MAGI3: variants seen among roughly 807,000 people sequenced by gnomAD.
MAGI3 encodes the protein membrane associated guanylate kinase, WW and PDZ domain containing 3.
A neutral mutation model predicts 121.8 loss-of-function variants in MAGI3; 43 were observed. The observed-to-expected ratio is 0.35, with a 90% CI of 0.28 to 0.46. MAGI3 has a LOEUF of 0.46. Among genes scored for constraint, MAGI3 ranks in the 20% least tolerant of loss-of-function variants. The pLI, the probability that MAGI3 is intolerant of heterozygous loss-of-function variation, is 1.00. For synonymous variants in MAGI3, 553 were observed against 639.3 expected (o/e 0.86, Z 2.04); for missense variants, 1,547 against 1,797.3 (o/e 0.86, Z 2.52).
Position 113,594,554 on chromosome 1 carries a change from G to A in MAGI3, c.1012G>A (p.Asp338Asn), listed in dbSNP as rs771970427. The A allele has an allele frequency of 3.7e-5, 59 of 1,610,614 alleles. No homozygotes were observed. Among genetic ancestry groups the A allele is most frequent in the Non-Finnish European group, 4.8e-5 (57 of 1,178,074 alleles). ...AGCCAAAGCCCCTGAAGACTGTGAA[G>A]ATGGAGGTAGAGATTCAGAAACTTA... ...KKAKAPEDCE[D>N]GELPYGWEKI... Residue 338 changes from aspartate to asparagine, a missense_variant, in exon 6 of 21, where the codon GAT becomes AAT. Transcript: ENST00000307546.
chr1:113,495,528 G>A (rs892015270), intron 1 of MAGI3, among the ~76,000 whole-genome samples: 1 of 151,834 alleles, frequency 6.6e-6, no homozygotes, highest in Non-Finnish European at 1.5e-5. Context: ...CCTTTCCCCC[G>A]AGTCCCCAAA....
chr1:113,417,653 C>T (rs559453253), intron 1 of MAGI3, among the ~76,000 whole-genome samples: 1 of 152,258 alleles, frequency 6.6e-6, no homozygotes, highest in African/African-American at 2.4e-5. Context: ...TCAGTTTCTT[C>T]TCATGATCTC....
intron 6 of MAGI3, among the ~76,000 whole-genome samples, chr1:113,599,992 G>T (rs1035133792): frequency 3.3e-5 from 5 of 152,144 alleles, no homozygotes; most frequent in African/African-American, 1.2e-4. Flanking sequence ...CTCAATAGAT[G>T]CAGAAAAGGC....
chr1:113,677,395 T>TA (rs1391081793), intron 19 of MAGI3, among the ~76,000 whole-genome samples: 8 of 152,328 alleles, frequency 5.3e-5, no homozygotes, highest in African/African-American at 1.7e-4. Context: ...CAAGGAGACT[T>TA]AGTCACTTGC....
intron 5 of MAGI3, among the ~76,000 whole-genome samples, chr1:113,593,839 C>T (rs768331507): frequency 2.0e-5 from 3 of 152,158 alleles, no homozygotes; most frequent in Non-Finnish European, 4.4e-5. Flanking sequence ...TTTTATTCCT[C>T]CCTTTTTTCC....
rs1269912888 is a variant in MAGI3 at position 113,658,865 on chromosome 1, T to C, written c.2630-215T>C. On this transcript the variant is annotated intron_variant, in intron 15 of 20. Coordinates refer to ENST00000307546, the MANE Select transcript of MAGI3 (RefSeq NM_001142782.2). This position sits in a 1 kb window ranked among gnomAD's most constrained non-coding sequence, Gnocchi z 4.0. ...TAGCAAAGAGGTTTATATGCTATGA[T>C]TACAACTGTGTAAAGAGTATTTATG... Among the ~76,000 whole-genome samples the C allele has an allele frequency of 2.6e-5, 4 of 152,212 alleles. No individual in the cohort carries two copies. Among genetic ancestry groups the C allele is most frequent in the Non-Finnish European group, 4.4e-5 (3 of 68,038 alleles).
At chr1:113,484,418 A>G (rs1021884419) in intron 1 of MAGI3, among the ~76,000 whole-genome samples, 1 of 151,994 alleles carries the variant, frequency 6.6e-6, no homozygotes, top group Non-Finnish European at 1.5e-5. Context: ...CTTTACCTCC[A>G]GTCCCCAAAG....
At chr1:113,442,106 G>A (rs1175514018) in intron 1 of MAGI3, among the ~76,000 whole-genome samples, 1 of 152,084 alleles carries the variant, frequency 6.6e-6, no homozygotes, top group African/African-American at 2.4e-5. Flanking sequence ...ATGGTTTTTA[G>A]TCATTCAGAA....
chr1:113,468,507 C>T (rs775405269), intron 1 of MAGI3, among the ~76,000 whole-genome samples: 4 of 152,064 alleles, frequency 2.6e-5, no homozygotes, highest in Non-Finnish European at 5.9e-5. Flanking sequence ...AGTAGCCACA[C>T]GTGATGAGTG....
chr1:113,397,890 A>G (rs1222677018), intron 1 of MAGI3, among the ~76,000 whole-genome samples: 1 of 152,164 alleles, frequency 6.6e-6, no homozygotes, highest in Non-Finnish European at 1.5e-5. Context: ...AGCCAGTTTT[A>G]TGGGAAAACA....
intron 7 of MAGI3, 79 bp from the exon 8 acceptor site, chr1:113,619,655 ATG>A (rs1331017392): frequency 2.1e-6 from 2 of 935,474 alleles, no homozygotes; most frequent in Non-Finnish European, 3.4e-6. Flanking sequence ...ATCTATGATG[ATG>A]GAATGGTATG....
intron 1 of MAGI3, among the ~76,000 whole-genome samples, chr1:113,507,749 G>A (rs910264900): frequency 1.3e-5 from 2 of 152,178 alleles, no homozygotes; most frequent in African/African-American, 4.8e-5. Flanking sequence ...TTTACTGAAT[G>A]ACTGAATGGA....
At chr1:113,627,769 A>G (rs1335016138) in intron 9 of MAGI3, among the ~76,000 whole-genome samples, 3 of 151,744 alleles carry the variant, frequency 2.0e-5, no homozygotes, top group East Asian at 1.9e-4. Context: ...ATTATTATAT[A>G]ATGACCTTTT....
chr1:113,599,923 A>G (rs1263183224), intron 6 of MAGI3, among the ~76,000 whole-genome samples: 3 of 152,228 alleles, frequency 2.0e-5, no homozygotes, highest in African/African-American at 7.2e-5. Context: ...CAATATACGC[A>G]AATCAATGAA....
chr1:113,475,404 T>A (rs1655764290), intron 1 of MAGI3, among the ~76,000 whole-genome samples: 1 of 152,198 alleles, frequency 6.6e-6, no homozygotes, highest in African/African-American at 2.4e-5. Flanking sequence ...TATTTTGAGA[T>A]ACGTTCCATG....
At chr1:113,570,446 A>C (rs908563810) in intron 2 of MAGI3, among the ~76,000 whole-genome samples, 4 of 152,220 alleles carry the variant, frequency 2.6e-5, no homozygotes, top group Admixed American at 2.6e-4. Flanking sequence ...TTCTAGTTCT[A>C]GATCCTTGAG....
intron 2 of MAGI3, among the ~76,000 whole-genome samples, chr1:113,579,125 G>A (rs956712952): frequency 2.0e-5 from 3 of 152,196 alleles, no homozygotes; most frequent in Non-Finnish European, 2.9e-5. Flanking sequence ...TTATTTGACA[G>A]CTATGTATAT....
chr1:113,439,592 G>T (rs1426292819), intron 1 of MAGI3, among the ~76,000 whole-genome samples: 1 of 152,004 alleles, frequency 6.6e-6, no homozygotes, highest in Admixed American at 6.6e-5. Context: ...TTTGAGCTCC[G>T]TGAGAACATA....
intron 6 of MAGI3, among the ~76,000 whole-genome samples, chr1:113,598,348 G>A (rs1649152610): frequency 6.6e-6 from 1 of 151,798 alleles, no homozygotes; most frequent in East Asian, 1.9e-4. Context: ...AATGTTGAAT[G>A]TAAATGGTCT....
Sources: allele counts gnomAD v4.1 joint callset (sites outside exome capture counted in the v4.1 genomes callset), GRCh38; gene constraint gnomAD v4.1.1; non-coding constraint Gnocchi (gnomAD v3.1); transcripts MANE v1.5; gene names NCBI Gene and HGNC (gene_info 2026-07-23, HGNC 2026-07-21).